Variants in MCFD2 observed in about 807,000 individuals in gnomAD.
MCFD2 encodes multiple coagulation factor deficiency protein 2.
In MCFD2, 11 loss-of-function variants were observed where a neutral mutation model predicts 12.8. That is an observed-to-expected ratio of 0.86 (90% CI 0.54 to 1.42). The LOEUF (loss-of-function observed/expected upper bound fraction) is 1.42. MCFD2 is among the 40% of genes most tolerant of loss of function. The pLI is 0.00. For synonymous variants in MCFD2, 70 were observed against 68.1 expected (o/e 1.03, Z -0.14); for missense variants, 191 against 178.6 (o/e 1.07, Z -0.40).
rs926845575 is a variant in MCFD2, at chr2:46,941,427, G to A, written c.-8+145C>T. The A allele has an allele frequency of 1.4e-5, 16 of 1,140,542 alleles. No homozygotes were observed. Among genetic ancestry groups the A allele is most frequent in the South Asian group, 9.8e-5 (3 of 30,602 alleles). 70.7% of individuals were successfully genotyped at this position (1,140,542 alleles called of 1,614,324 possible). On this transcript the variant is annotated intron_variant, in intron 1 of 2. Coordinates refer to the MCFD2 transcript ENST00000409147. The surrounding 1 kb of genome is among the most constrained non-coding windows in gnomAD (Gnocchi z 4.2). ...GGGCCCCCGCTGCCGCCCGGGCCCC[G>A]GCTGCCGTCTGCGCCCCCGTCGACC...
At position 46,907,512 on chromosome 2, in the gene MCFD2, G is replaced by C. The variant is rs1668295236; in HGVS notation, c.309+298C>G. The C allele has an allele frequency of 5.0e-6, 2 of 399,556 alleles. No homozygotes were observed. The highest frequency in any genetic ancestry group is 5.8e-5 in the East Asian group (1 of 17,376). 24.8% of individuals were successfully genotyped at this position (399,556 alleles called of 1,614,324 possible). ...CAATCCTCCCACCTTAGCCTCCTGA[G>C]TACGTAGAACTACGGGCATGCACTA... is the stretch of plus-strand genomic sequence containing the variant. On this transcript the variant is annotated intron_variant, in intron 3 of 3. Coordinates refer to ENST00000319466, the MANE Select transcript of MCFD2 (RefSeq NM_139279.6). This position sits in a 1 kb window ranked among gnomAD's most constrained non-coding sequence, Gnocchi z 4.1.
At chr2:46,909,389 G>A (rs1269595969) in intron 1 of MCFD2, among the ~76,000 whole-genome samples, 1 of 152,204 alleles carries the variant, frequency 6.6e-6, no homozygotes, top group Non-Finnish European at 1.5e-5. Flanking sequence ...GGCTCACGAG[G>A]TTTCCTGAAG....
chr2:46,914,670 C>G (rs968347335), intron 1 of MCFD2, among the ~76,000 whole-genome samples: 1 of 152,154 alleles, frequency 6.6e-6, no homozygotes, highest in African/African-American at 2.4e-5. Flanking sequence ...CAGATTACAA[C>G]CTGGTAGAAA....
At chr2:46,917,971 T>C (rs1668902295), upstream of MCFD2, among the ~76,000 whole-genome samples, 1 of 152,228 alleles carries the variant, frequency 6.6e-6, no homozygotes, top group Non-Finnish European at 1.5e-5. Context: ...AGTCACCTTC[T>C]CTATCCACCC....
intron 1 of MCFD2, among the ~76,000 whole-genome samples, chr2:46,909,980 T>C (rs1392854614): frequency 2.6e-5 from 4 of 152,100 alleles, no homozygotes; most frequent in Non-Finnish European, 5.9e-5. Context: ...GGCAGGAGCA[T>C]GGTAGCCAAG....
upstream of MCFD2, chr2:46,916,549 C>T (rs527652940): frequency 4.6e-5 from 7 of 153,190 alleles, no homozygotes; most frequent in African/African-American, 1.7e-4. Context: ...TGCCCTTACA[C>T]CTGTGCTCCT....
At position 46,934,925 on chromosome 2, in the gene MCFD2, T is replaced by C. The variant is rs1282585013; in HGVS notation, c.-8+6647A>G. On this transcript the variant is annotated intron_variant, in intron 1 of 2. Coordinates refer to the MCFD2 transcript ENST00000409147. ...AAGCGATTCTCTTGCCTCAGCCTCC[T>C]GAGTAGCTGGAACTACAGGCGCGCA... Among the ~76,000 whole-genome samples the C allele has an allele frequency of 2.6e-5, 4 of 151,222 alleles. No homozygotes were observed. The East Asian group carries it at 7.8e-4, about 30-fold the overall frequency.
chr2:46,923,736 C>CT (rs113000969), intron 1 of MCFD2, among the ~76,000 whole-genome samples: 1,890 of 145,676 alleles, frequency 0.013, 37 homozygotes, highest in African/African-American at 0.042. Flanking sequence ...TATAGAAAAA[C>CT]TTTTTTTTTT....
chr2:46,921,440 A>G (rs182047827), intron 1 of MCFD2, among the ~76,000 whole-genome samples: 2 of 152,212 alleles, frequency 1.3e-5, no homozygotes, highest in Non-Finnish European at 2.9e-5. Flanking sequence ...GGCAAGTCTA[A>G]TTCAGTTATT....
At chr2:46,917,374 G>C, upstream of MCFD2, 1 of 587,940 alleles carries the variant, frequency 1.7e-6, no homozygotes, top group Non-Finnish European at 3.0e-6. Context: ...CTTTGGATTA[G>C]TTTGATCTAG....
chr2:46,920,874 A>G (rs1669068423), intron 1 of MCFD2, among the ~76,000 whole-genome samples: 1 of 151,912 alleles, frequency 6.6e-6, no homozygotes, highest in Non-Finnish European at 1.5e-5. Context: ...CTTCAGAGTT[A>G]TTTTCCTTCG....
Position 46,915,805 on chromosome 2 carries a change from C to CGGGGG in MCFD2, c.-90_-89insCCCCC. On this transcript the variant is annotated 5_prime_UTR_variant, in exon 1 of 4. Coordinates refer to ENST00000319466, the MANE Select transcript of MCFD2 (RefSeq NM_139279.6). ...TCCCCAAAACGCTCTTCCTCGGCTT[C>CGGGGG]GCCCCGCCCCCCCCCCCCCCCCGAC... 9.8e-5 allele frequency: 36 copies of CGGGGG among 368,254 alleles called. No individual in the cohort carries two copies. The highest frequency in any genetic ancestry group is 1.2e-3 in the Middle Eastern group (1 of 822). The allele number at this position is 368,254 out of a possible 1,614,324, so 22.8% of individuals were successfully genotyped here.
At position 46,901,929 on chromosome 2, in the gene MCFD2, T is replaced by A. The variant is rs1668030608; in HGVS notation, c.*3534A>T. On this transcript the variant is annotated 3_prime_UTR_variant, in exon 4 of 4. Coordinates refer to ENST00000319466, the MANE Select transcript of MCFD2 (RefSeq NM_139279.6). This position sits in a 1 kb window ranked among gnomAD's most constrained non-coding sequence, Gnocchi z 4.3. ...TCCAGAATTCATCATATATAAATCT[T>A]TCAAAATAATGAGCTATTACAAGAA... 6.6e-6 allele frequency: 1 copy of A among 152,644 alleles called. No homozygotes were observed. Among genetic ancestry groups the A allele is most frequent in the South Asian group, 2.1e-4 (1 of 4,830 alleles). 9.5% of individuals were successfully genotyped at this position (152,644 alleles called of 1,614,324 possible). A position where few individuals can be genotyped will look rare whatever the true frequency, so the allele number is the denominator to read the frequency against.
At chr2:46,935,625 T>C (rs1241785337) in intron 1 of MCFD2, among the ~76,000 whole-genome samples, 3 of 152,106 alleles carry the variant, frequency 2.0e-5, no homozygotes, top group African/African-American at 7.2e-5. Flanking sequence ...AGCATTCAAT[T>C]ATTGAGGCCC....
chr2:46,925,193 C>T (rs778697169), intron 1 of MCFD2, among the ~76,000 whole-genome samples: 3 of 152,138 alleles, frequency 2.0e-5, no homozygotes, highest in Non-Finnish European at 4.4e-5. Flanking sequence ...TGGGTTTAAG[C>T]GATCTTCCCA....
At chr2:46,915,806 G>GGGGGGGGGGGGGGGCCCCCCCCCCCCCC, upstream of MCFD2, 1 of 512,580 alleles carries the variant, frequency 2.0e-6, no homozygotes, top group Non-Finnish European at 2.1e-6. Flanking sequence ...CCTCGGCTTC[G>GGGGGGGGGGGGGGGCCCCCCCCCCCCCC]CCCCGCCCCC....
chr2:46,906,444 G>C (rs1358914444), intron 3 of MCFD2, among the ~76,000 whole-genome samples: 2 of 151,396 alleles, frequency 1.3e-5, no homozygotes, highest in Admixed American at 1.3e-4. Context: ...TGTGGCAGAA[G>C]GGGAATGACA....
chr2:46,933,153 G>A (rs1037575085), intron 1 of MCFD2, among the ~76,000 whole-genome samples: 2 of 152,126 alleles, frequency 1.3e-5, no homozygotes, highest in African/African-American at 2.4e-5. Flanking sequence ...TCTGGAGAGG[G>A]GCCCATTGTA....
intron 1 of MCFD2, among the ~76,000 whole-genome samples, chr2:46,933,909 TAAGTATGAAAGA>T (rs1669836246): frequency 6.6e-6 from 1 of 152,086 alleles, no homozygotes; most frequent in African/African-American, 2.4e-5. Context: ...CCCCACATGG[TAAGTATGAAAGA>T]AGAGGCCAGA....
Sources: allele counts gnomAD v4.1 joint callset (sites outside exome capture counted in the v4.1 genomes callset), GRCh38; gene constraint gnomAD v4.1.1; non-coding constraint Gnocchi (gnomAD v3.1); transcripts MANE v1.5; gene names NCBI Gene and HGNC (gene_info 2026-07-23, HGNC 2026-07-21).